The following EHD4 variants were observed in gnomAD, a reference collection of about 807,000 sequenced individuals.
EHD4 encodes EH domain-containing protein 4.
In EHD4, 37 loss-of-function variants were observed where a neutral mutation model predicts 51.0. The observed-to-expected ratio is 0.73, with a 90% CI of 0.56 to 0.95. The LOEUF is 0.95. EHD4 is among the 40% of genes least tolerant of loss of function. The probability of loss-of-function intolerance (pLI) is 0.00; values close to 1 mark genes in which losing one functional copy is unlikely to be tolerated. For missense variants in EHD4, 632 were observed against 733.1 expected, an observed-to-expected ratio of 0.86 and a Z score of 1.59; for synonymous variants, 297 against 317.3, an observed-to-expected ratio of 0.94 and a Z score of 0.68.
chr15:41,936,168 T>C (rs1037245116), intron 3 of EHD4, among the ~76,000 whole-genome samples: 7 of 152,148 alleles, frequency 4.6e-5, no homozygotes, highest in African/African-American at 1.7e-4. Flanking sequence ...ATTCTACTGA[T>C]CAAAAGTGAG....
At chr15:41,940,292 T>C (rs2067760871) in intron 3 of EHD4, among the ~76,000 whole-genome samples, 1 of 152,186 alleles carries the variant, frequency 6.6e-6, no homozygotes, top group Non-Finnish European at 1.5e-5. Context: ...GGGTCACAGT[T>C]TGTACCCAGT....
At chr15:41,939,071 T>G (rs899183707) in intron 3 of EHD4, among the ~76,000 whole-genome samples, 4 of 152,268 alleles carry the variant, frequency 2.6e-5, no homozygotes, top group South Asian at 2.1e-4. Context: ...TGCTCTTTCT[T>G]CTCATCGCAG....
In EHD4 at chr15:41,953,880, G is replaced by A. The variant is rs1595544157; in HGVS notation, c.297C>T (p.Ser99=). ...TCTCTCCATACATCACGGCGATGAAGGAGTCTGTGGTGGGCTCCGGACCAA... is the reference window on the plus strand; with the variant it reads ...TCTCTCCATACATCACGGCGATGAAAGAGTCTGTGGTGGGCTCCGGACCAA... The part of the protein sequence containing the change: ...MRIGPEPTTD[S]FIAVMYGETE... The change falls in exon 2 of 6, where the codon TCC becomes TCT. Residue 99 remains serine, a synonymous_variant. Transcript: ENST00000220325. 4 of 1,613,864 alleles carry A rather than the reference G, an allele frequency of 2.5e-6. No individual in the cohort carries two copies. In the South Asian group the frequency reaches 3.3e-5, roughly 13 times the overall value.
At chr15:41,929,274 C>G (rs147616171) in intron 3 of EHD4, among the ~76,000 whole-genome samples, 57 of 152,336 alleles carry the variant, frequency 3.7e-4, no homozygotes, top group African/African-American at 1.3e-3. Context: ...ATAAAATAAA[C>G]AAGCTAACCT....
chr15:41,927,626 A>G (rs540750549), intron 3 of EHD4, among the ~76,000 whole-genome samples: 1 of 152,372 alleles, frequency 6.6e-6, no homozygotes, highest in Non-Finnish European at 1.5e-5. Context: ...CTTGTATAAG[A>G]TATGTAAAAT....
chr15:41,943,475 ACATG>A (rs902624877), intron 2 of EHD4, among the ~76,000 whole-genome samples: 1 of 152,214 alleles, frequency 6.6e-6, no homozygotes, highest in Non-Finnish European at 1.5e-5. Context: ...CATTTATTGA[ACATG>A]CAGGTATCTT....
intron 5 of EHD4, among the ~76,000 whole-genome samples, chr15:41,902,318 T>A (rs1484594518): frequency 6.6e-6 from 1 of 151,594 alleles, no homozygotes; most frequent in Admixed American, 6.6e-5. Flanking sequence ...CAACTAATCC[T>A]CCAACTAACC....
intron 3 of EHD4, among the ~76,000 whole-genome samples, chr15:41,936,727 G>A (rs765501248): frequency 4.6e-5 from 7 of 152,150 alleles, no homozygotes; most frequent in East Asian, 1.9e-4. Context: ...ACTAGCTGCC[G>A]GGGCTGGCGA....
intron 5 of EHD4, among the ~76,000 whole-genome samples, chr15:41,902,767 A>G (rs189239464): frequency 1.3e-5 from 2 of 150,256 alleles, no homozygotes; most frequent in African/African-American, 4.9e-5. Context: ...GTATACATAT[A>G]TGTATGTGTG....
intron 2 of EHD4, among the ~76,000 whole-genome samples, chr15:41,952,998 C>G (rs991121785): frequency 8.7e-5 from 6 of 69,088 alleles, no homozygotes; most frequent in East Asian, 5.3e-4. Flanking sequence ...TTCCCCCCCG[C>G]AAAAAAAAAA....
intron 1 of EHD4, among the ~76,000 whole-genome samples, chr15:41,957,442 T>C (rs988587252): frequency 3.9e-5 from 6 of 152,214 alleles, no homozygotes; most frequent in Non-Finnish European, 8.8e-5. Flanking sequence ...TGGGCTGTCA[T>C]TTCCTGCAGG....
At chr15:41,971,277 A>G (rs1041985467) in intron 1 of EHD4, among the ~76,000 whole-genome samples, 6 of 152,216 alleles carry the variant, frequency 3.9e-5, no homozygotes, top group Non-Finnish European at 8.8e-5. Flanking sequence ...TGATGAAGAG[A>G]TTGTTACAAT....
intron 1 of EHD4, among the ~76,000 whole-genome samples, chr15:41,954,733 G>T (rs567967491): frequency 6.6e-6 from 1 of 152,028 alleles, no homozygotes; most frequent in South Asian, 2.1e-4. Flanking sequence ...GACCTCCTGG[G>T]CTCCAACAAT....
rs1491135423 is a variant in EHD4 at position 41,949,051 on chromosome 15, T to TATATATATACAC, written c.413+4712_413+4713insGTGTATATATAT. ...ATATATATATATATATATATATATATACACACATACACACACACATACATA... is the reference window on the plus strand; with the variant it reads ...ATATATATATATATATATATATATATATATATATACACACACACATACACACACACATACATA... On this transcript the variant is annotated intron_variant, in intron 2 of 5. Transcript: ENST00000220325. 2.1e-3 allele frequency among the ~76,000 whole-genome samples: 235 copies of TATATATATACAC among 109,350 alleles called. 4 individuals carry two copies. Among genetic ancestry groups the TATATATATACAC allele is most frequent in the African/African-American group, 8.2e-3 (223 of 27,086 alleles). The allele number at this position is 109,350 out of a possible 152,430, so 71.7% of individuals were successfully genotyped here.
intron 5 of EHD4, among the ~76,000 whole-genome samples, chr15:41,902,128 C>T (rs147394476): frequency 6.6e-6 from 1 of 152,136 alleles, no homozygotes; most frequent in Non-Finnish European, 1.5e-5. Flanking sequence ...CTAGAGGGGG[C>T]CTGGGAAACA....
intron 4 of EHD4, among the ~76,000 whole-genome samples, chr15:41,911,207 G>A (rs1178598750): frequency 6.6e-6 from 1 of 152,202 alleles, no homozygotes; most frequent in Non-Finnish European, 1.5e-5. Flanking sequence ...CTGCACAAGG[G>A]TCGTTTAACA....
At chr15:41,920,888 C>T (rs1303695719) in intron 3 of EHD4, among the ~76,000 whole-genome samples, 1 of 152,154 alleles carries the variant, frequency 6.6e-6, no homozygotes, top group Non-Finnish European at 1.5e-5. Flanking sequence ...CAGACTATAG[C>T]ACAAATACAA....
chr15:41,965,982 G>A (rs1395890000), intron 1 of EHD4, among the ~76,000 whole-genome samples: 1 of 91,680 alleles, frequency 1.1e-5, no homozygotes, highest in African/African-American at 4.4e-5. Flanking sequence ...ACCCAGCCCC[G>A]CCTACCCTGC....
In EHD4 at chr15:41,953,856, C is replaced by A; in HGVS notation, c.321G>T (p.Glu107Asp). ...TDSFIAVMYG[E>D]TEGSTPGNAL... ...CATTCCCTGGGGTGCTGCCCTCAGT[C>A]TCTCCATACATCACGGCGATGAAGG... The change falls in exon 2 of 6, where the codon GAG becomes GAT. Residue 107 changes from glutamate (E) to aspartate (D), a missense_variant. Coordinates refer to ENST00000220325, the MANE Select transcript of EHD4 (RefSeq NM_139265.4). The A allele has an allele frequency of 6.2e-7, 1 of 1,614,106 alleles. No homozygotes were observed. The highest frequency in any genetic ancestry group is 8.5e-7 in the Non-Finnish European group (1 of 1,180,008).
Sources: gnomAD v4.1 joint callset for allele counts (sites outside exome capture counted in the v4.1 genomes callset) on GRCh38, gnomAD v4.1.1 for gene constraint, MANE v1.5 for transcripts, NCBI Gene and HGNC (gene_info 2026-07-23, HGNC 2026-07-21) for gene names.